Variants in LATS1 observed in about 807,000 individuals in gnomAD.
LATS1 encodes the protein serine/threonine-protein kinase LATS1.
Under a neutral mutation model 106.6 loss-of-function variants are expected in LATS1, and 25 were observed. The observed-to-expected ratio is 0.23, with a 90% confidence interval of 0.17 to 0.33. The LOEUF is 0.33. Among genes scored for constraint, LATS1 ranks in the 10% least tolerant of loss-of-function variants. The pLI is 1.00. For missense variants in LATS1, 1,040 were observed against 1,382.6 expected, an observed-to-expected ratio of 0.75 and a Z score of 3.93; for synonymous variants, 465 against 455.6, an observed-to-expected ratio of 1.02 and a Z score of -0.26.
chr6:149,693,072 G>A (rs528396042), intron 3 of LATS1, among the ~76,000 whole-genome samples: 6 of 151,918 alleles, frequency 3.9e-5, no homozygotes, highest in African/African-American at 1.4e-4. Flanking sequence ...AGACCAGCCT[G>A]ATCTACATGG....
intron 2 of LATS1, chr6:149,697,088 T>G (rs764211680): frequency 7.9e-7 from 1 of 1,265,550 alleles, no homozygotes; most frequent in Non-Finnish European, 1.1e-6. Flanking sequence ...AGGCAACTAC[T>G]TACTTGTCCT....
At chr6:149,666,809 G>T (rs1263677448) in intron 7 of LATS1, among the ~76,000 whole-genome samples, 5 of 151,866 alleles carry the variant, frequency 3.3e-5, no homozygotes, top group African/African-American at 1.2e-4. Flanking sequence ...GGGCGTGGTG[G>T]TGGGCGCCTG....
rs180889196 is a variant in LATS1 at position 149,660,392 on chromosome 6, T to A, written c.*1337A>T. On this transcript the variant is annotated 3_prime_UTR_variant, in exon 8 of 8. Coordinates refer to ENST00000543571, the MANE Select transcript of LATS1 (RefSeq NM_004690.4). ...CATATACGGTTTCAATTAGCTTTTA[T>A]GCGAAGAAAGCTAAAAGTATGAAAA... 4.3e-6 allele frequency: 1 copy of A among 232,984 alleles called. No homozygotes were observed. The highest frequency in any genetic ancestry group is 2.2e-5 in the African/African-American group (1 of 45,332). 14.4% of individuals were successfully genotyped at this position (232,984 alleles called of 1,614,324 possible).
In LATS1 at chr6:149,659,900, G is replaced by A. The variant is rs1780825685; in HGVS notation, c.*1829C>T. On this transcript the variant is annotated 3_prime_UTR_variant, in exon 8 of 8. Transcript: ENST00000543571. ...CCTAACATTTCAGTCCCCTCCAAAT[G>A]ATATATTAAAACAACTTAATGTACC... is the stretch of plus-strand genomic sequence containing the variant. 4.4e-6 allele frequency: 1 copy of A among 228,780 alleles called. No individual in the cohort carries two copies. The highest frequency in any genetic ancestry group is 8.7e-6 in the Non-Finnish European group (1 of 115,376). 14.2% of individuals were successfully genotyped at this position (228,780 alleles called of 1,614,324 possible).
intron 7 of LATS1, among the ~76,000 whole-genome samples, chr6:149,670,574 A>T (rs908630818): frequency 2.6e-5 from 4 of 152,016 alleles, no homozygotes; most frequent in Non-Finnish European, 5.9e-5. Context: ...GCAGCTCGTT[A>T]GTGCCAAGGT....
At chr6:149,686,269 G>A (rs1306495299) in intron 3 of LATS1, among the ~76,000 whole-genome samples, 1 of 152,008 alleles carries the variant, frequency 6.6e-6, no homozygotes, top group Non-Finnish European at 1.5e-5. Context: ...AAAAGCAAGT[G>A]AGTAAATAAT....
intron 2 of LATS1, among the ~76,000 whole-genome samples, chr6:149,701,236 A>T (rs1783444524): frequency 6.6e-6 from 1 of 152,262 alleles, no homozygotes; most frequent in Non-Finnish European, 1.5e-5. Flanking sequence ...TATATGGGTT[A>T]TGAAAAAACT....
rs1247118221 is a variant in LATS1, at chr6:149,684,049, A to T, written c.1040T>A (p.Met347Lys). 4 of 1,614,162 alleles carry T rather than the reference A, an allele frequency of 2.5e-6. No homozygotes were observed. The South Asian group carries it at 4.4e-5, about 18-fold the overall frequency. Residue 347 changes from methionine to lysine, a missense_variant, in exon 4 of 8, where the codon ATG becomes AAG. This residue lies in a region of LATS1 where 624 missense variants were observed against 714.8 expected (regional missense o/e 0.87). Transcript: ENST00000543571. Reference protein sequence around the residue: ...KFNFPSGRPGMQNGTGQTDFM... With the variant: ...KFNFPSGRPGKQNGTGQTDFM... The stretch of plus-strand genomic sequence containing the variant: ...ATCAGTTTGTCCAGTACCATTCTGC[A>T]TTCCAGGTCTCCCTGATGGAAAGTT...
rs372769091 is a variant in LATS1, at chr6:149,696,559, T to TAAA, written c.349-1341_349-1339dup. On this transcript the variant is annotated intron_variant, in intron 2 of 7. Transcript: ENST00000543571. ...GGGCAACAAGAGTAAAACTCCGTCT[T>TAAA]AAAAAAAAAAAAAAAAAAAAAAAAA... Among the ~76,000 whole-genome samples, 201 of 45,820 alleles carry TAAA rather than the reference T, an allele frequency of 4.4e-3. 14 individuals are homozygous for TAAA. The highest frequency in any genetic ancestry group is 0.013 in the African/African-American group (148 of 11,092). The allele number at this position is 45,820 out of a possible 152,430, so 30.1% of individuals were successfully genotyped here.
At chr6:149,717,220 CA>C (rs1229714568) in intron 1 of LATS1, among the ~76,000 whole-genome samples, 1 of 152,154 alleles carries the variant, frequency 6.6e-6, no homozygotes, top group African/African-American at 2.4e-5. Flanking sequence ...GGGGATAAAT[CA>C]AGTCATCTGA....
intron 1 of LATS1, among the ~76,000 whole-genome samples, chr6:149,702,748 T>G (rs1783535181): frequency 6.6e-6 from 1 of 152,178 alleles, no homozygotes; most frequent in South Asian, 2.1e-4. Flanking sequence ...CTTGCCTCAC[T>G]GCAAACTCTG....
Position 149,661,649 on chromosome 6 carries a change from T to C in LATS1, c.*80A>G. The C allele has an allele frequency of 4.8e-6, 6 of 1,240,736 alleles. No individual in the cohort carries two copies. Among genetic ancestry groups the C allele is most frequent in the Non-Finnish European group, 6.7e-6 (6 of 897,804 alleles). The allele number at this position is 1,240,736 out of a possible 1,614,324, so 76.9% of individuals were successfully genotyped here. The stretch of plus-strand genomic sequence containing the variant: ...CATATATAGCTCTGTCATATTTGCA[T>C]AATTTTACTCTCAGAACCTCAAAAC... On this transcript the variant is annotated 3_prime_UTR_variant, in exon 8 of 8. Coordinates refer to ENST00000543571, the MANE Select transcript of LATS1 (RefSeq NM_004690.4).
intron 1 of LATS1, among the ~76,000 whole-genome samples, chr6:149,712,969 C>T (rs575985374): frequency 7.9e-5 from 12 of 151,924 alleles, no homozygotes; most frequent in African/African-American, 2.9e-4. Flanking sequence ...CACTCCAGCC[C>T]GGGCATCAGA....
chr6:149,685,753 A>G (rs1782341143), intron 3 of LATS1, among the ~76,000 whole-genome samples: 1 of 152,166 alleles, frequency 6.6e-6, no homozygotes, highest in Admixed American at 6.5e-5. Context: ...AATAAAGTAT[A>G]GATTTTACAG....
At chr6:149,695,244 A>G (rs1306910625) in intron 2 of LATS1, 23 bp from the exon 3 acceptor site, 1 of 1,508,836 alleles carries the variant, frequency 6.6e-7, no homozygotes, top group African/African-American at 1.4e-5. Context: ...GAAGTTTAAA[A>G]AAAAAGAAAC....
intron 7 of LATS1, among the ~76,000 whole-genome samples, chr6:149,674,296 A>C (rs999999601): frequency 3.3e-5 from 5 of 151,806 alleles, no homozygotes; most frequent in African/African-American, 1.2e-4. Context: ...GCTGGTCTCA[A>C]ACTCCTGACC....
At chr6:149,691,272 C>CA (rs1343493570) in intron 3 of LATS1, among the ~76,000 whole-genome samples, 1 of 152,112 alleles carries the variant, frequency 6.6e-6, no homozygotes, top group East Asian at 1.9e-4. Context: ...TGCAGAGGGA[C>CA]AAACATATGA....
At position 149,700,033 on chromosome 6, in the gene LATS1, C is replaced by T. The variant is rs180896235; in HGVS notation, c.348+1746G>A. Among the ~76,000 whole-genome samples, 872 of 152,324 alleles carry T rather than the reference C, an allele frequency of 5.7e-3. 11 individuals are homozygous for T. The highest frequency in any genetic ancestry group is 5.5e-3 in the Non-Finnish European group (377 of 68,026). ...AGCCATTTCTTTAATCCTCCAAATA[C>T]TAACGAGAAAAACATTATCCCAGGT... On this transcript the variant is annotated intron_variant, in intron 2 of 7. Coordinates refer to ENST00000543571, the MANE Select transcript of LATS1 (RefSeq NM_004690.4).
At chr6:149,680,519 T>C (rs1781978277) in intron 4 of LATS1, 62 bp from the exon 5 acceptor site, 4 of 1,212,638 alleles carry the variant, frequency 3.3e-6, no homozygotes, top group African/African-American at 3.1e-5. Context: ...TATTAAGAAA[T>C]AGCTTGGGAA....
Sources: gnomAD v4.1 joint callset for allele counts (sites outside exome capture counted in the v4.1 genomes callset) on GRCh38, gnomAD v4.1.1 for gene constraint, gnomAD v4.1.1 regional missense constraint, MANE v1.5 for transcripts, NCBI Gene and HGNC (gene_info 2026-07-23, HGNC 2026-07-21) for gene names.